ACOX3: variants seen among roughly 807,000 people sequenced by gnomAD.
ACOX3 encodes acyl-CoA oxidase 3, pristanoyl, also known as peroxisomal acyl-coenzyme A oxidase 3.
A neutral mutation model predicts 81.5 loss-of-function variants in ACOX3; 73 were observed. The observed-to-expected ratio is 0.90, with a 90% CI of 0.74 to 1.09. ACOX3 has a LOEUF of 1.09. Ranked by LOEUF, ACOX3 falls within the 50% of genes least tolerant of loss-of-function variation. The pLI is 0.00. For missense variants in ACOX3, 947 were observed against 928.0 expected (o/e 1.02, Z -0.27); for synonymous variants, 387 against 375.1 (o/e 1.03, Z -0.37).
At position 8,432,522 on chromosome 4, in the gene ACOX3, C is replaced by T. The variant is rs763826757; in HGVS notation, c.-15+8126G>A. ...TGCTGGGATTACAGGCGTGAGCCACCGCGCCCGGCCTGATTTTTTTTTTTA... is the reference window on the plus strand; with the variant it reads ...TGCTGGGATTACAGGCGTGAGCCACTGCGCCCGGCCTGATTTTTTTTTTTA... On this transcript the variant is annotated intron_variant, in intron 1 of 17. Coordinates refer to ENST00000356406, the MANE Select transcript of ACOX3 (RefSeq NM_003501.3). This position sits in a 1 kb window ranked among gnomAD's most constrained non-coding sequence, Gnocchi z 6.2. 1.3e-5 allele frequency among the ~76,000 whole-genome samples: 2 copies of T among 152,076 alleles called. No homozygotes were observed. Among genetic ancestry groups the T allele is most frequent in the Non-Finnish European group, 2.9e-5 (2 of 68,026 alleles).
At chr4:8,408,908 GGGGGGGT>G (rs1721362469) in intron 6 of ACOX3, among the ~76,000 whole-genome samples, 5 of 99,522 alleles carry the variant, frequency 5.0e-5, no homozygotes, top group Admixed American at 1.0e-4. Flanking sequence ...GGGGGGTGGG[GGGGGGGT>G]GGGGGCGGTC....
intron 13 of ACOX3, among the ~76,000 whole-genome samples, chr4:8,388,745 G>A (rs1397088088): frequency 6.6e-6 from 1 of 152,202 alleles, no homozygotes; most frequent in African/African-American, 2.4e-5. Context: ...GCGGGAAGGG[G>A]CATCTGCTGT....
At chr4:8,422,186 G>C (rs545123901) in intron 1 of ACOX3, among the ~76,000 whole-genome samples, 2 of 152,070 alleles carry the variant, frequency 1.3e-5, no homozygotes, top group Non-Finnish European at 2.9e-5. Flanking sequence ...GAAAGAAAGA[G>C]AGAGGGGGGA....
downstream of ACOX3, among the ~76,000 whole-genome samples, chr4:8,363,005 T>C (rs1250147227): frequency 6.6e-6 from 1 of 152,254 alleles, no homozygotes; most frequent in Non-Finnish European, 1.5e-5. Context: ...AGAAATTATG[T>C]TTCAAGAACT....
rs1722263115 is a variant in ACOX3, at chr4:8,415,774, G to A, written c.370C>T (p.His124Tyr). The change falls in exon 3 of 18, where the codon CAT (histidine) becomes TAT (tyrosine). Residue 124 changes from histidine (H) to tyrosine (Y), a missense_variant. By Grantham distance (83) the His-to-Tyr change is moderately conservative. Coordinates refer to ENST00000356406, the MANE Select transcript of ACOX3 (RefSeq NM_003501.3). Reference protein sequence around the residue: ...DSSLAAKYLLHSLVFGSAVYS... With the variant: ...DSSLAAKYLLYSLVFGSAVYS... ...CTAGGCCGCATGCTCACCAAGCTAT[G>A]GAGGAGGTACTTGGCAGCCAGAGAA... The A allele has an allele frequency of 3.1e-6, 5 of 1,613,792 alleles. No homozygotes were observed. Among genetic ancestry groups the A allele is most frequent in the East Asian group, 4.5e-5 (2 of 44,890 alleles).
chr4:8,424,187 G>A lies in ACOX3; in HGVS notation c.-14-7652C>T, dbSNP rs186393405. ...GGGTTCCTTGGCATAACAGGCTTCT[G>A]CCGAATATGGATTCCCAGGTACAGT... On this transcript the variant is annotated intron_variant, in intron 1 of 17. Transcript: ENST00000356406. Among the ~76,000 whole-genome samples the A allele has an allele frequency of 2.6e-4, 40 of 152,314 alleles. No homozygotes were observed. In the East Asian group the frequency reaches 6.2e-3, roughly 23 times the overall value.
rs935351140 is a variant in ACOX3, at chr4:8,432,516, A to C, written c.-15+8132T>G. On this transcript the variant is annotated intron_variant, in intron 1 of 17. Transcript: ENST00000356406. This position sits in a 1 kb window ranked among gnomAD's most constrained non-coding sequence, Gnocchi z 6.2. ...CCAATGTGCTGGGATTACAGGCGTG[A>C]GCCACCGCGCCCGGCCTGATTTTTT... Among the ~76,000 whole-genome samples the C allele has an allele frequency of 1.3e-5, 2 of 151,094 alleles. No homozygotes were observed. Among genetic ancestry groups the C allele is most frequent in the Non-Finnish European group, 2.9e-5 (2 of 67,828 alleles).
rs549210817 is a variant in ACOX3, at chr4:8,371,649, A to G, written c.1897-655T>C. Among the ~76,000 whole-genome samples the G allele has an allele frequency of 2.4e-4, 36 of 152,408 alleles. No individual in the cohort carries two copies. The South Asian group carries it at 3.9e-3, about 17-fold the overall frequency. ...CAAAGGCAATCAGTCAGTACAGAGT[A>G]AGAAAGGCCACAATGGAGGAACTGA... is the stretch of plus-strand genomic sequence containing the variant. On this transcript the variant is annotated intron_variant, in intron 16 of 17. Transcript: ENST00000356406.
chr4:8,396,159 C>T (rs774405899), intron 9 of ACOX3, among the ~76,000 whole-genome samples: 19 of 152,142 alleles, frequency 1.2e-4, no homozygotes, highest in Non-Finnish European at 2.5e-4. Context: ...GTAGGGCCAA[C>T]GCTCTGTGCC....
Position 8,373,552 on chromosome 4 carries a change from A to C in ACOX3, c.1896+9T>G, listed in dbSNP as rs1303396162. 1.9e-6 allele frequency: 3 copies of C among 1,613,734 alleles called. No homozygotes were observed. Among genetic ancestry groups the C allele is most frequent in the Non-Finnish European group, 2.5e-6 (3 of 1,179,948 alleles). On this transcript the variant is annotated intron_variant, in intron 16 of 17. Transcript: ENST00000356406. ...GGATGTAGAGAACGCGACAGCACCC[A>C]CGGCTCACCTGGGAACACAAAGCCA...
Position 8,392,471 on chromosome 4 carries a change from C to G in ACOX3, c.1180-18G>C. The G allele has an allele frequency of 6.5e-7, 1 of 1,537,848 alleles. No homozygotes were observed. Among genetic ancestry groups the G allele is most frequent in the Non-Finnish European group, 8.7e-7 (1 of 1,145,480 alleles). ...AGCTCTGCCTTTGGGTGAGGGAATC[C>G]AACAAGAACAGGTGAAAAGAGACTT... On this transcript the variant is annotated intron_variant, in intron 10 of 17. Transcript: ENST00000356406.
rs137902029 is a variant in ACOX3, at chr4:8,437,248, G to C, written c.-15+3400C>G. On this transcript the variant is annotated intron_variant, in intron 1 of 17. Coordinates refer to ENST00000356406, the MANE Select transcript of ACOX3 (RefSeq NM_003501.3). The surrounding 1 kb of genome is among the most constrained non-coding windows in gnomAD (Gnocchi z 5.2). Reference sequence around the variant, plus strand: ...AGTCTATAAAAGTGGCCACCAAGGCGTATGTTAGCTGTGACCAAGGAACAA... The same window carrying C: ...AGTCTATAAAAGTGGCCACCAAGGCCTATGTTAGCTGTGACCAAGGAACAA... Among the ~76,000 whole-genome samples the C allele has an allele frequency of 1.3e-4, 19 of 151,538 alleles. No homozygotes were observed. The South Asian group carries it at 2.1e-3, about 17-fold the overall frequency.
chr4:8,397,593 C>T (rs1172052261), intron 8 of ACOX3, among the ~76,000 whole-genome samples: 6 of 152,230 alleles, frequency 3.9e-5, no homozygotes, highest in African/African-American at 9.6e-5. Flanking sequence ...AGTTCCTTTA[C>T]GTGCGTCTAG....
chr4:8,414,277 G>A lies in ACOX3; in HGVS notation c.543+15C>T. On this transcript the variant is annotated intron_variant, in intron 5 of 17. Transcript: ENST00000356406. The surrounding 1 kb of genome is among the most constrained non-coding windows in gnomAD (Gnocchi z 6.1). ...ATGCTCCAAACTCAGGGACCCGGGGGAAGGTAATACCTACCTCAGTGGCAG... is the reference window on the plus strand; with the variant it reads ...ATGCTCCAAACTCAGGGACCCGGGGAAAGGTAATACCTACCTCAGTGGCAG... The A allele has an allele frequency of 1.9e-6, 3 of 1,606,860 alleles. No individual in the cohort carries two copies. The highest frequency in any genetic ancestry group is 1.1e-5 in the South Asian group (1 of 90,942).
At chr4:8,409,991 ATC>A (rs975673034) in intron 6 of ACOX3, among the ~76,000 whole-genome samples, 10 of 143,990 alleles carry the variant, frequency 6.9e-5, no homozygotes, top group African/African-American at 2.6e-4. Context: ...GGACGGGGCT[ATC>A]TGCATTGTGG....
At position 8,402,196 on chromosome 4, in the gene ACOX3, G is replaced by T. The variant is rs549900622; in HGVS notation, c.777-2544C>A. Among the ~76,000 whole-genome samples the T allele has an allele frequency of 5.2e-5, 8 of 152,388 alleles. No homozygotes were observed. In the South Asian group the frequency reaches 1.7e-3, roughly 32 times the overall value. On this transcript the variant is annotated intron_variant, in intron 7 of 17. Coordinates refer to ENST00000356406, the MANE Select transcript of ACOX3 (RefSeq NM_003501.3). The stretch of plus-strand genomic sequence containing the variant: ...CTACCAGGAGGAGCAAGGCCCTGGG[G>T]CCGGGTGGGGACGGGGCTGGAGCTC...
Position 8,366,993 on chromosome 4 carries a change from G to C in ACOX3, c.2071C>G (p.Pro691Ala). Residue 691 changes from proline to alanine, a missense_variant, in exon 18 of 18, where the codon CCT becomes GCT. Pro to Ala is a conservative substitution (Grantham distance 27). Coordinates refer to ENST00000356406, the MANE Select transcript of ACOX3 (RefSeq NM_003501.3). ...TTCGATTTCAGACTTCCTATGACAG[G>C]TTTGTTCACAGAAAACTCTGGCCAC... Reference protein sequence around the residue: ...SWWPEFSVNKPVIGSLKSKL With the variant: ...SWWPEFSVNKAVIGSLKSKL 1 of 1,614,074 alleles carries C rather than the reference G, an allele frequency of 6.2e-7. No homozygotes were observed. Among genetic ancestry groups the C allele is most frequent in the East Asian group, 2.2e-5 (1 of 44,876 alleles).
At chr4:8,378,338 A>G (rs936639982) in intron 14 of ACOX3, among the ~76,000 whole-genome samples, 5 of 151,874 alleles carry the variant, frequency 3.3e-5, no homozygotes, top group Admixed American at 3.3e-4. Flanking sequence ...AACTTCCTTC[A>G]CTCCCAAAGT....
intron 7 of ACOX3, among the ~76,000 whole-genome samples, chr4:8,403,450 T>A (rs1023128615): frequency 6.6e-6 from 1 of 152,074 alleles, no homozygotes; most frequent in African/African-American, 2.4e-5. Context: ...CTGGCTCCCA[T>A]CCCAGCCCAA....
Sources: allele counts gnomAD v4.1 joint callset (sites outside exome capture counted in the v4.1 genomes callset), GRCh38; gene constraint gnomAD v4.1.1; non-coding constraint Gnocchi (gnomAD v3.1); transcripts MANE v1.5; gene names NCBI Gene and HGNC (gene_info 2026-07-23, HGNC 2026-07-21).